The following SPIRE1 variants were observed in gnomAD, a reference collection of about 807,000 sequenced individuals.
SPIRE1 encodes protein spire homolog 1.
SPIRE1 carries 40 observed loss-of-function variants against 94.1 expected under a neutral mutation model. That is an observed-to-expected ratio of 0.43 (90% CI 0.33 to 0.55). The LOEUF is 0.55. Ranked by LOEUF, SPIRE1 falls within the 20% of genes least tolerant of loss-of-function variation. The pLI, the probability that SPIRE1 is intolerant of heterozygous loss-of-function variation, is 0.06. For missense variants in SPIRE1, 838 were observed against 975.2 expected (o/e 0.86, Z 1.87); for synonymous variants, 376 against 371.7 (o/e 1.01, Z -0.13).
intron 10 of SPIRE1, among the ~76,000 whole-genome samples, chr18:12,479,176 C>CTTTT (rs35129611): frequency 8.1e-6 from 1 of 122,840 alleles, no homozygotes; most frequent in Non-Finnish European, 1.7e-5. Flanking sequence ...TTTTCTTTTT[C>CTTTT]TTTTTTTTTT....
At chr18:12,646,925 T>A (rs2038243697) in intron 1 of SPIRE1, among the ~76,000 whole-genome samples, 2 of 151,792 alleles carry the variant, frequency 1.3e-5, no homozygotes, top group Admixed American at 1.3e-4. Context: ...ATGCCTGTAA[T>A]CTCAGCTACC....
At chr18:12,647,953 G>T (rs2038268808) in intron 1 of SPIRE1, among the ~76,000 whole-genome samples, 1 of 152,114 alleles carries the variant, frequency 6.6e-6, no homozygotes, top group African/African-American at 2.4e-5. Flanking sequence ...CCACCAGACA[G>T]AAGGAGGGCT....
intron 7 of SPIRE1, among the ~76,000 whole-genome samples, chr18:12,495,394 CA>C (rs2033421373): frequency 6.6e-6 from 1 of 151,986 alleles, no homozygotes; most frequent in South Asian, 2.1e-4. Flanking sequence ...GTCAATATGA[CA>C]ATTTAATCAA....
intron 7 of SPIRE1, among the ~76,000 whole-genome samples, chr18:12,495,686 T>G (rs767134802): frequency 6.6e-6 from 1 of 152,080 alleles, no homozygotes; most frequent in African/African-American, 2.4e-5. Flanking sequence ...GCCAGGAGTT[T>G]GAGACCAGCG....
At chr18:12,588,325 T>C (rs1303642615) in intron 2 of SPIRE1, 2 of 152,546 alleles carry the variant, frequency 1.3e-5, no homozygotes, top group Admixed American at 6.5e-5. Flanking sequence ...TACATCAATG[T>C]CATCTATTCA....
chr18:12,626,974 C>T (rs986249604), intron 2 of SPIRE1, among the ~76,000 whole-genome samples: 2 of 142,190 alleles, frequency 1.4e-5, no homozygotes, highest in Admixed American at 7.2e-5. Flanking sequence ...TTTACATAAA[C>T]AAAACAAAAT....
chr18:12,449,748 C>G lies in SPIRE1; in HGVS notation c.2161G>C (p.Val721Leu), dbSNP rs1277418607. The G allele has an allele frequency of 1.2e-6, 2 of 1,614,134 alleles. No individual in the cohort carries two copies. The highest frequency in any genetic ancestry group is 3.3e-5 in the Admixed American group (2 of 60,016). Residue 721 changes from valine (V) to leucine (L), a missense_variant, in exon 17 of 17, where the codon GTG (valine) becomes CTG (leucine). Val to Leu is a conservative substitution (Grantham distance 32). Coordinates refer to ENST00000409402, the MANE Select transcript of SPIRE1 (RefSeq NM_001128626.2). Reference protein sequence around the residue: ...EIISSSRRSLVLANKRARLKR... With the variant: ...EIISSSRRSLLLANKRARLKR... ...AATCGGGCCCTTTTGTTGGCCAACA[C>G]CAGACTGCGCCGGCTTGAACTGATG...
At chr18:12,588,559 T>C (rs1018070643) in intron 2 of SPIRE1, 7 of 151,528 alleles carry the variant, frequency 4.6e-5, no homozygotes, top group African/African-American at 1.5e-4. Flanking sequence ...ACTGGAAAAT[T>C]ACTGACTTCA....
Position 12,635,069 on chromosome 18 carries a change from TC to T in SPIRE1, c.364del (p.Glu122LysfsTer20). ...TTTGAGTATTTCACTTACCTCTGTT[TC>T]CATACATTGTGAATATCCCAATTTA... is the stretch of plus-strand genomic sequence containing the variant. ...AGKLGYSQCM[E>X]TEVIESLGII... On this transcript the variant is annotated frameshift_variant, in exon 2 of 17. Transcript: ENST00000409402. LOFTEE classifies it high-confidence loss of function. 6.9e-7 allele frequency: 1 copy of T among 1,458,668 alleles called. No individual in the cohort carries two copies. Among genetic ancestry groups the T allele is most frequent in the Non-Finnish European group, 9.4e-7 (1 of 1,066,062 alleles). 90.4% of individuals were successfully genotyped at this position (1,458,668 alleles called of 1,614,324 possible).
chr18:12,478,964 C>T (rs1303510366), intron 10 of SPIRE1, among the ~76,000 whole-genome samples: 1 of 151,294 alleles, frequency 6.6e-6, no homozygotes, highest in East Asian at 2.0e-4. Flanking sequence ...AAGAACAATC[C>T]TAAGTATGAG....
chr18:12,614,151 G>A (rs1258504177), intron 2 of SPIRE1, among the ~76,000 whole-genome samples: 1 of 152,102 alleles, frequency 6.6e-6, no homozygotes, highest in Non-Finnish European at 1.5e-5. Flanking sequence ...GTCCTAGCTA[G>A]TTGGGAGGCT....
chr18:12,571,534 C>G (rs192650992), intron 2 of SPIRE1, among the ~76,000 whole-genome samples: 29 of 152,266 alleles, frequency 1.9e-4, no homozygotes, highest in Non-Finnish European at 3.4e-4. Context: ...ACTAAGAAGC[C>G]CTTCAGAATA....
upstream of SPIRE1, among the ~76,000 whole-genome samples, chr18:12,660,616 C>A (rs565684151): frequency 3.3e-5 from 5 of 151,986 alleles, no homozygotes; most frequent in Admixed American, 1.3e-4. Context: ...CCACTGTGCC[C>A]GGCCAAAAGA....
rs764035519 is a variant in SPIRE1 at position 12,546,757 on chromosome 18, A to G, written c.520T>C (p.Tyr174His). 6.8e-6 allele frequency: 11 copies of G among 1,614,062 alleles called. No individual in the cohort carries two copies. The highest frequency in any genetic ancestry group is 6.7e-5 in the African/African-American group (5 of 75,010). Residue 174 changes from tyrosine (Y) to histidine (H), a missense_variant, in exon 3 of 17, where the codon TAT (tyrosine) becomes CAT (histidine). By Grantham distance (83) the Tyr-to-His change is moderately conservative. Around this residue, in one of 2 missense-constraint regions of SPIRE1, gnomAD observed 645 missense variants for 804.7 expected, o/e 0.80. Transcript: ENST00000409402. The part of the protein sequence containing the change: ...VEADGSNDEG[Y>H]EAAEEGLGDE... ...CCCAGGCCTTCTTCTGCAGCCTCATAGCCCTCATCATTGCTACCGTCAGCT... is the reference window on the plus strand; with the variant it reads ...CCCAGGCCTTCTTCTGCAGCCTCATGGCCCTCATCATTGCTACCGTCAGCT...
chr18:12,549,439 GTTTTTTTTTTTT>G lies in SPIRE1; in HGVS notation c.373-2547_373-2536del, dbSNP rs869122444. On this transcript the variant is annotated intron_variant, in intron 2 of 16. Transcript: ENST00000409402. ...CTTTTTGTTTGTTTTTGTTATTGTT[GTTTTTTTTTTTT>G]TTTTTTTTTTTTTTTTTTGGAGACA... 7.8e-4 allele frequency among the ~76,000 whole-genome samples: 32 copies of G among 41,250 alleles called. No homozygotes were observed. In the East Asian group the frequency reaches 0.016, roughly 20 times the overall value. 27.1% of individuals were successfully genotyped at this position (41,250 alleles called of 152,430 possible).
At chr18:12,639,010 A>G (rs543284101) in intron 1 of SPIRE1, among the ~76,000 whole-genome samples, 4 of 152,292 alleles carry the variant, frequency 2.6e-5, no homozygotes, top group African/African-American at 4.8e-5. Flanking sequence ...ATGGACTAAT[A>G]TATCTCCATT....
intron 5 of SPIRE1, among the ~76,000 whole-genome samples, chr18:12,510,132 T>G (rs1343310649): frequency 6.6e-6 from 1 of 151,470 alleles, no homozygotes; most frequent in East Asian, 1.9e-4. Context: ...ATGATTACAT[T>G]TATATAAAAT....
chr18:12,616,450 C>A (rs2037310582), intron 2 of SPIRE1, among the ~76,000 whole-genome samples: 1 of 152,132 alleles, frequency 6.6e-6, no homozygotes, highest in Non-Finnish European at 1.5e-5. Context: ...TGTGACCAGG[C>A]ACAGGGTGTT....
chr18:12,581,924 C>T (rs1567948614), intron 2 of SPIRE1, among the ~76,000 whole-genome samples: 1 of 152,040 alleles, frequency 6.6e-6, no homozygotes, highest in Non-Finnish European at 1.5e-5. Flanking sequence ...ACACAGACAA[C>T]AAGAAACTTG....
Sources: allele counts gnomAD v4.1 joint callset (sites outside exome capture counted in the v4.1 genomes callset), GRCh38; gene constraint gnomAD v4.1.1; regional missense constraint gnomAD v4.1.1; transcripts MANE v1.5; gene names NCBI Gene and HGNC (gene_info 2026-07-23, HGNC 2026-07-21).